The following STAT4 variants were observed in gnomAD, a reference collection of about 807,000 sequenced individuals.
STAT4 encodes the protein signal transducer and activator of transcription 4.
STAT4 carries 42 observed loss-of-function variants against 110.5 expected under a neutral mutation model. That is an observed-to-expected ratio of 0.38 (90% confidence interval 0.30 to 0.49). The LOEUF (loss-of-function observed/expected upper bound fraction) is 0.49. Ranked by LOEUF, STAT4 falls within the 20% of genes least tolerant of loss-of-function variation. STAT4 has a pLI of 0.95. For missense variants in STAT4, 632 were observed against 887.9 expected, an observed-to-expected ratio of 0.71 and a Z score of 3.66; for synonymous variants, 284 against 302.2, an observed-to-expected ratio of 0.94 and a Z score of 0.63.
At chr2:191,139,530 G>C (rs191419402) in intron 3 of STAT4, among the ~76,000 whole-genome samples, 60 of 152,092 alleles carry the variant, frequency 3.9e-4, no homozygotes, top group Non-Finnish European at 7.4e-4. Context: ...GAAATACTTG[G>C]GAATATACCT....
At chr2:191,076,429 T>C in intron 3 of STAT4, 104 bp from the exon 4 acceptor site, 1 of 802,148 alleles carries the variant, frequency 1.2e-6, no homozygotes, top group East Asian at 2.6e-5. Context: ...TCCTATTAAA[T>C]ATGTGAAATT....
intron 3 of STAT4, among the ~76,000 whole-genome samples, chr2:191,100,091 T>C (rs896187616): frequency 6.6e-6 from 1 of 152,174 alleles, no homozygotes; most frequent in South Asian, 2.1e-4. Context: ...ATTTACATAA[T>C]GTGCAAAAAT....
In STAT4 at chr2:191,150,830, A is replaced by G. The variant is rs1018584438; in HGVS notation, c.-2+117T>C. The G allele has an allele frequency of 2.4e-6, 2 of 845,232 alleles. No individual in the cohort carries two copies. The highest frequency in any genetic ancestry group is 3.7e-5 in the African/African-American group (2 of 54,266). 52.4% of individuals were successfully genotyped at this position (845,232 alleles called of 1,614,324 possible). Reference sequence around the variant, plus strand: ...CCTTCTATAATAAGCCTCCTCAGGAAGGTTAAAATGAAGCAATTGTCAAAA... The same window carrying G: ...CCTTCTATAATAAGCCTCCTCAGGAGGGTTAAAATGAAGCAATTGTCAAAA... On this transcript the variant is annotated intron_variant, in intron 1 of 23. Coordinates refer to ENST00000392320, the MANE Select transcript of STAT4 (RefSeq NM_003151.4). This position sits in a 1 kb window ranked among gnomAD's most constrained non-coding sequence, Gnocchi z 6.4.
intron 17 of STAT4, 142 bp downstream of exon 17, chr2:191,036,022 G>A: frequency 9.6e-7 from 1 of 1,045,868 alleles, no homozygotes; most frequent in Non-Finnish European, 1.3e-6. Flanking sequence ...ATAACACTTA[G>A]TTCTGTGCCT....
rs573999675 is a variant in STAT4, at chr2:191,149,608, G to A, written c.-2+1339C>T. Among the ~76,000 whole-genome samples the A allele has an allele frequency of 2.0e-5, 3 of 152,180 alleles. No homozygotes were observed. In the South Asian group the frequency reaches 6.2e-4, roughly 32 times the overall value. On this transcript the variant is annotated intron_variant, in intron 1 of 23. Transcript: ENST00000392320. The stretch of plus-strand genomic sequence containing the variant: ...TTGAAGATCAAATAGGCGAAATGAC[G>A]CCTGCCTAATGTGTGAGGCTTCTAA...
chr2:191,065,226 A>G (rs918628378), intron 7 of STAT4, among the ~76,000 whole-genome samples: 1 of 152,224 alleles, frequency 6.6e-6, no homozygotes, highest in Non-Finnish European at 1.5e-5. Flanking sequence ...TCCTGCGGCA[A>G]CAATATTGAA....
At chr2:191,076,728 C>A (rs534395229) in intron 3 of STAT4, among the ~76,000 whole-genome samples, 60 of 151,718 alleles carry the variant, frequency 4.0e-4, no homozygotes, top group Non-Finnish European at 7.8e-4. Context: ...TCACCACAAC[C>A]TCCACCTCCC....
At position 191,104,462 on chromosome 2, in the gene STAT4, C is replaced by T. The variant is rs114137176; in HGVS notation, c.274-28137G>A. Among the ~76,000 whole-genome samples, 789 of 152,156 alleles carry T rather than the reference C, an allele frequency of 5.2e-3. 6 individuals are homozygous for T. Among genetic ancestry groups the T allele is most frequent in the African/African-American group, 0.018 (751 of 41,542 alleles). On this transcript the variant is annotated intron_variant, in intron 3 of 23. Coordinates refer to ENST00000392320, the MANE Select transcript of STAT4 (RefSeq NM_003151.4). The surrounding 1 kb of genome is among the most constrained non-coding windows in gnomAD (Gnocchi z 4.3). ...GTTCAATTACCAAAAATATTAAATT[C>T]ACAATAGGCATATGTGAAGAAGATT...
intron 17 of STAT4, among the ~76,000 whole-genome samples, chr2:191,034,954 T>C (rs541214506): frequency 9.9e-5 from 15 of 152,276 alleles, no homozygotes; most frequent in Admixed American, 2.0e-4. Context: ...AAGGCTCACG[T>C]TGGAGACAGG....
intron 3 of STAT4, among the ~76,000 whole-genome samples, chr2:191,141,187 G>T (rs1184330467): frequency 6.6e-6 from 1 of 151,762 alleles, no homozygotes; most frequent in Admixed American, 6.6e-5. Context: ...CACCACTAAA[G>T]AACTTATCCA....
chr2:191,051,975 T>G lies in STAT4; in HGVS notation c.1251+2515A>C, dbSNP rs1044103578. ...TTAGTGAAGCTCTTAGTGTCCAGTA[T>G]ATAGTAAATGCCACACGAGGATTGT... On this transcript the variant is annotated intron_variant, in intron 14 of 23. Coordinates refer to ENST00000392320, the MANE Select transcript of STAT4 (RefSeq NM_003151.4). This position sits in a 1 kb window ranked among gnomAD's most constrained non-coding sequence, Gnocchi z 5.6. Among the ~76,000 whole-genome samples, 2 of 152,222 alleles carry G rather than the reference T, an allele frequency of 1.3e-5. No individual in the cohort carries two copies. Among genetic ancestry groups the G allele is most frequent in the Non-Finnish European group, 2.9e-5 (2 of 68,048 alleles).
chr2:191,124,239 G>A (rs546367803), intron 3 of STAT4, among the ~76,000 whole-genome samples: 2 of 152,204 alleles, frequency 1.3e-5, no homozygotes, highest in East Asian at 3.9e-4. Context: ...GGCGGATTGC[G>A]AGGTCAAGAG....
intron 16 of STAT4, among the ~76,000 whole-genome samples, chr2:191,038,022 G>T (rs1696088374): frequency 6.6e-6 from 1 of 152,210 alleles, no homozygotes; most frequent in Non-Finnish European, 1.5e-5. Flanking sequence ...TGATGGGTGT[G>T]ACGACTTTGG....
intron 4 of STAT4, 41 bp from the exon 5 acceptor site, chr2:191,073,231 G>A (rs1559054582): frequency 6.4e-7 from 1 of 1,562,852 alleles, no homozygotes; most frequent in South Asian, 1.1e-5. Flanking sequence ...GTTTTGAAAA[G>A]GTTTATGATG....
rs1377437340 is a variant in STAT4, at chr2:191,061,392, T to C, written c.1034+337A>G. 1.3e-5 allele frequency among the ~76,000 whole-genome samples: 2 copies of C among 152,178 alleles called. No individual in the cohort carries two copies. The highest frequency in any genetic ancestry group is 1.3e-4 in the Admixed American group (2 of 15,268). On this transcript the variant is annotated intron_variant, in intron 10 of 23. Transcript: ENST00000392320. The surrounding 1 kb of genome is among the most constrained non-coding windows in gnomAD (Gnocchi z 6.2). ...GAGCCAGGAAGCCATTATTTCTGTA[T>C]TCTCACTCTCCTACAATCCTCCTCC... is the stretch of plus-strand genomic sequence containing the variant.
chr2:191,106,557 G>A (rs555170367), intron 3 of STAT4, among the ~76,000 whole-genome samples: 187 of 152,064 alleles, frequency 1.2e-3, no homozygotes, highest in Middle Eastern at 0.01. Context: ...TTGGGAGGCT[G>A]AGGCAGGAGA....
chr2:191,118,187 C>T (rs1056257837), intron 3 of STAT4, among the ~76,000 whole-genome samples: 3 of 152,198 alleles, frequency 2.0e-5, no homozygotes, highest in African/African-American at 7.2e-5. Flanking sequence ...ATATTTTTCA[C>T]ACCCTTTGAC....
At chr2:191,109,243 C>A (rs1390637946) in intron 3 of STAT4, among the ~76,000 whole-genome samples, 1 of 151,958 alleles carries the variant, frequency 6.6e-6, no homozygotes, top group African/African-American at 2.4e-5. Flanking sequence ...AATCTCTCAA[C>A]TTTTCAAAGA....
chr2:191,041,966 G>T (rs1394176794), intron 14 of STAT4, among the ~76,000 whole-genome samples: 3 of 152,208 alleles, frequency 2.0e-5, no homozygotes, highest in Non-Finnish European at 4.4e-5. Flanking sequence ...GTGCTAAAGA[G>T]TGGAAGGTCC....
Sources: gnomAD v4.1 joint callset for allele counts (sites outside exome capture counted in the v4.1 genomes callset) on GRCh38, gnomAD v4.1.1 for gene constraint, Gnocchi (gnomAD v3.1) non-coding constraint, MANE v1.5 for transcripts, NCBI Gene and HGNC (gene_info 2026-07-23, HGNC 2026-07-21) for gene names.